Variants in RANBP2 observed in about 807,000 individuals in gnomAD.
RANBP2 encodes RAN binding protein 2, also known as E3 SUMO-protein ligase RanBP2.
A neutral mutation model predicts 303.6 loss-of-function variants in RANBP2; 57 were observed. That is an observed-to-expected ratio of 0.19 (90% CI 0.15 to 0.23). The LOEUF is 0.23. Ranked by LOEUF, RANBP2 falls within the 10% of genes least tolerant of loss-of-function variation. The pLI is 1.00. For synonymous variants in RANBP2, 1,167 were observed against 1,301.5 expected (o/e 0.90, Z 2.23); for missense variants, 3,138 against 3,780.8 (o/e 0.83, Z 4.46).
In RANBP2 at chr2:108,735,198, A is replaced by G. The variant is rs571519416; in HGVS notation, c.406-334A>G. On this transcript the variant is annotated intron_variant, in intron 4 of 28. Coordinates refer to ENST00000283195, the MANE Select transcript of RANBP2 (RefSeq NM_006267.5). ...TAAGGAGATACAGAGCAGTTTGAAC[A>G]TAAGGACCTTGTTGCTGAGGATTGA... Among the ~76,000 whole-genome samples the G allele has an allele frequency of 1.3e-3, 195 of 152,280 alleles. 3 individuals carry two copies. The highest frequency in any genetic ancestry group is 4.1e-3 in the African/African-American group (171 of 41,546).
At chr2:109,513,544 TAC>T in the RANBP2 span, among the ~76,000 whole-genome samples, 8 of 143,200 alleles carry the variant, frequency 5.6e-5, no homozygotes, top group East Asian at 1.7e-3. Context: ...TATATGCACA[TAC>T]ACACACACTG....
At chr2:109,688,192 ATTTCTCG>A in the RANBP2 span, among the ~76,000 whole-genome samples, 9 of 151,910 alleles carry the variant, frequency 5.9e-5, no homozygotes, top group African/African-American at 2.2e-4. Context: ...AGAGTTGCCT[ATTTCTCG>A]GGGCAACAGC....
chr2:108,757,953 T>C (rs923274202), intron 17 of RANBP2, among the ~76,000 whole-genome samples: 3 of 152,162 alleles, frequency 2.0e-5, no homozygotes, highest in Non-Finnish European at 4.4e-5. Context: ...AATCATATTT[T>C]AAAATCAGCA....
At chr2:109,448,754 G>T in the RANBP2 span, among the ~76,000 whole-genome samples, 1,990 of 152,274 alleles carry the variant, frequency 0.013, 52 homozygotes, top group African/African-American at 0.046. Context: ...TAATGCACTT[G>T]AATCATCCCG....
the RANBP2 span, among the ~76,000 whole-genome samples, chr2:109,735,392 T>C: frequency 4.6e-5 from 7 of 152,222 alleles, no homozygotes; most frequent in South Asian, 6.2e-4. Flanking sequence ...CACATTTTAT[T>C]TATCCATTAA....
At chr2:109,676,743 T>C in the RANBP2 span, among the ~76,000 whole-genome samples, 19 of 152,320 alleles carry the variant, frequency 1.2e-4, no homozygotes, top group Admixed American at 5.9e-4. Context: ...AGTGTGAATT[T>C]TGAAAAGTTT....
At chr2:109,198,838 G>A in the RANBP2 span, among the ~76,000 whole-genome samples, 1 of 152,212 alleles carries the variant, frequency 6.6e-6, no homozygotes. Flanking sequence ...TTCCCCGGCT[G>A]CAGACCTGTG....
the RANBP2 span, among the ~76,000 whole-genome samples, chr2:108,886,201 G>C: frequency 6.6e-6 from 1 of 152,142 alleles, no homozygotes; most frequent in Non-Finnish European, 1.5e-5. Flanking sequence ...CATAGTGGCT[G>C]TTTAAATTCT....
the RANBP2 span, among the ~76,000 whole-genome samples, chr2:109,640,774 C>T: frequency 7.9e-5 from 12 of 152,168 alleles, no homozygotes; most frequent in Non-Finnish European, 1.6e-4. Flanking sequence ...ACTGAACAGT[C>T]ATACCGAGTC....
At chr2:109,254,044 C>T in the RANBP2 span, among the ~76,000 whole-genome samples, 2 of 151,988 alleles carry the variant, frequency 1.3e-5, no homozygotes, top group Admixed American at 6.6e-5. Flanking sequence ...TCACATTTAT[C>T]CTAGATTTGT....
the RANBP2 span, among the ~76,000 whole-genome samples, chr2:109,225,148 T>C: frequency 6.6e-6 from 1 of 152,212 alleles, no homozygotes; most frequent in Non-Finnish European, 1.5e-5. Context: ...CAGTTTCCTC[T>C]TGTGTAAAAT....
chr2:108,812,493 A>G, the RANBP2 span: 5 of 640,828 alleles, frequency 7.8e-6, no homozygotes, highest in African/African-American at 1.8e-5. Flanking sequence ...GTTGTGATCT[A>G]AGTTAATCAT....
chr2:109,073,407 AC>A, the RANBP2 span, among the ~76,000 whole-genome samples: 1 of 152,162 alleles, frequency 6.6e-6, no homozygotes, highest in Admixed American at 6.5e-5. Context: ...AGTGGCTCAC[AC>A]CTGTAATCCC....
chr2:108,794,774 C>G, the RANBP2 span: 3 of 1,340,990 alleles, frequency 2.2e-6, no homozygotes, highest in South Asian at 2.7e-5. Context: ...TTCTAAGAAC[C>G]AAGCATTTAC....
chr2:109,498,700 C>T, the RANBP2 span, among the ~76,000 whole-genome samples: 1 of 152,140 alleles, frequency 6.6e-6, no homozygotes, highest in Non-Finnish European at 1.5e-5. Context: ...TGTGGGGGGT[C>T]CTGAAGTATG....
the RANBP2 span, among the ~76,000 whole-genome samples, chr2:109,411,391 C>T: frequency 2.6e-5 from 4 of 152,310 alleles, no homozygotes; most frequent in East Asian, 1.9e-4. Context: ...CAGCAGGCCT[C>T]GTGTTCTTGG....
At chr2:108,806,419 A>G in the RANBP2 span, among the ~76,000 whole-genome samples, 2 of 152,212 alleles carry the variant, frequency 1.3e-5, no homozygotes, top group Non-Finnish European at 2.9e-5. Flanking sequence ...GGACCTATTG[A>G]TAATTGGATT....
chr2:109,290,316 C>A, the RANBP2 span, among the ~76,000 whole-genome samples: 2 of 152,202 alleles, frequency 1.3e-5, no homozygotes, highest in Non-Finnish European at 2.9e-5. Flanking sequence ...TGCCCCCAGG[C>A]ACGTAATACA....
At chr2:109,104,569 C>T in the RANBP2 span, among the ~76,000 whole-genome samples, 10 of 151,794 alleles carry the variant, frequency 6.6e-5, no homozygotes, top group East Asian at 1.9e-4. Context: ...CTGCAAGCTC[C>T]GCCTCCCGGG....
Sources: gnomAD v4.1 joint callset for allele counts (sites outside exome capture counted in the v4.1 genomes callset) on GRCh38, gnomAD v4.1.1 for gene constraint, MANE v1.5 for transcripts, NCBI Gene and HGNC (gene_info 2026-07-23, HGNC 2026-07-21) for gene names.